The following FGGY variants were observed in gnomAD, a reference collection of about 807,000 sequenced individuals.
The protein encoded by FGGY is FGGY carbohydrate kinase domain containing.
In FGGY, 72 loss-of-function variants were observed where a neutral mutation model predicts 71.3. The observed-to-expected ratio is 1.01, with a 90% CI of 0.84 to 1.23. FGGY has a LOEUF of 1.23. Among genes scored for constraint, FGGY ranks in the 50% most tolerant of loss-of-function variants. The pLI, the probability that FGGY is intolerant of heterozygous loss-of-function variation, is 0.00. For missense variants in FGGY, 668 were observed against 682.3 expected (o/e 0.98, Z 0.23); for synonymous variants, 251 against 250.3 (o/e 1.00, Z -0.02).
At chr1:59,439,839 C>T (rs982259241) in intron 5 of FGGY, among the ~76,000 whole-genome samples, 20 of 152,082 alleles carry the variant, frequency 1.3e-4, no homozygotes, top group Non-Finnish European at 2.4e-4. Context: ...TCTCAACTTA[C>T]GGTTTTTTGC....
chr1:59,670,059 A>C (rs919740884), intron 13 of FGGY, among the ~76,000 whole-genome samples: 1 of 152,246 alleles, frequency 6.6e-6, no homozygotes, highest in Non-Finnish European at 1.5e-5. Flanking sequence ...TGGACCAGTT[A>C]CAGTTCCAGA....
At chr1:59,345,475 C>T (rs2051646845) in intron 3 of FGGY, among the ~76,000 whole-genome samples, 1 of 152,118 alleles carries the variant, frequency 6.6e-6, no homozygotes, top group African/African-American at 2.4e-5. Flanking sequence ...ATATGAGGGG[C>T]AGTGCTCCTT....
At chr1:59,399,349 A>G (rs1022437423) in intron 5 of FGGY, among the ~76,000 whole-genome samples, 1 of 152,172 alleles carries the variant, frequency 6.6e-6, no homozygotes, top group Non-Finnish European at 1.5e-5. Context: ...GTCAGGCATT[A>G]TATTAGGCCC....
chr1:59,469,287 A>G (rs1273557935), intron 6 of FGGY, among the ~76,000 whole-genome samples: 2 of 152,242 alleles, frequency 1.3e-5, no homozygotes, highest in South Asian at 2.1e-4. Flanking sequence ...AATTCAGCTC[A>G]TGGTTCTGGA....
intron 7 of FGGY, among the ~76,000 whole-genome samples, chr1:59,540,748 A>G (rs1385845738): frequency 6.6e-6 from 1 of 152,234 alleles, no homozygotes; most frequent in Non-Finnish European, 1.5e-5. Flanking sequence ...AGACATGAGT[A>G]TGAAATAACC....
intron 5 of FGGY, among the ~76,000 whole-genome samples, chr1:59,444,709 G>A (rs542974202): frequency 4.6e-5 from 7 of 152,208 alleles, no homozygotes; most frequent in African/African-American, 1.4e-4. Context: ...TGTGAACTGC[G>A]CATGCAAGGG....
intron 14 of FGGY, among the ~76,000 whole-genome samples, chr1:59,703,661 T>C (rs1445654784): frequency 6.6e-6 from 1 of 152,210 alleles, no homozygotes; most frequent in Non-Finnish European, 1.5e-5. Flanking sequence ...AAGGCTAGTC[T>C]TGTGAGCCCA....
chr1:59,334,863 A>G (rs981609521), intron 2 of FGGY, among the ~76,000 whole-genome samples: 3 of 152,238 alleles, frequency 2.0e-5, no homozygotes, highest in South Asian at 2.1e-4. Context: ...CAAAAATAAA[A>G]AATAGAATTA....
intron 14 of FGGY, among the ~76,000 whole-genome samples, chr1:59,726,629 T>A (rs1157458272): frequency 2.0e-5 from 3 of 151,484 alleles, no homozygotes; most frequent in Admixed American, 1.3e-4. Context: ...ATTCAGATGA[T>A]TTATTTCTTG....
Position 59,618,813 on chromosome 1 carries a change from G to A in FGGY, c.1012-7175G>A, listed in dbSNP as rs570856363. Among the ~76,000 whole-genome samples, 33 of 152,014 alleles carry A rather than the reference G, an allele frequency of 2.2e-4. 1 individual carries two copies. The South Asian group carries it at 4.4e-3, about 20-fold the overall frequency. Reference sequence around the variant, plus strand: ...AAATTAACACCCTCAGTCTCTCAGGGGCATGGGAGACAATAGCCAAAGGTC... The same window carrying A: ...AAATTAACACCCTCAGTCTCTCAGGAGCATGGGAGACAATAGCCAAAGGTC... On this transcript the variant is annotated intron_variant, in intron 9 of 15. Transcript: ENST00000303721.
intron 14 of FGGY, among the ~76,000 whole-genome samples, chr1:59,726,942 A>G (rs2097954763): frequency 6.6e-6 from 1 of 152,140 alleles, no homozygotes; most frequent in Admixed American, 6.5e-5. Context: ...GGTTTGTTAC[A>G]TAGGTATATT....
At chr1:59,472,758 C>G (rs538811166) in intron 6 of FGGY, among the ~76,000 whole-genome samples, 341 of 150,468 alleles carry the variant, frequency 2.3e-3, no homozygotes, top group Non-Finnish European at 3.6e-3. Flanking sequence ...CTGTATCTAG[C>G]TAATCTGGTG....
At chr1:59,453,518 TC>T (rs1421044551) in intron 5 of FGGY, among the ~76,000 whole-genome samples, 1 of 152,298 alleles carries the variant, frequency 6.6e-6, no homozygotes, top group African/African-American at 2.4e-5. Flanking sequence ...AGGTGATCCT[TC>T]TGGTCTCAGT....
rs140848878 is a variant in FGGY at position 59,470,683 on chromosome 1, T to A, written c.670+13607T>A. ...AGGTTTCCACCAACAACATGCATTATGTCCAGTGCTGGAAGCCTGAATCCA... is the reference window on the plus strand; with the variant it reads ...AGGTTTCCACCAACAACATGCATTAAGTCCAGTGCTGGAAGCCTGAATCCA... On this transcript the variant is annotated intron_variant, in intron 6 of 15. Coordinates refer to ENST00000303721, the MANE Select transcript of FGGY (RefSeq NM_018291.5). Among the ~76,000 whole-genome samples, 219 of 152,358 alleles carry A rather than the reference T, an allele frequency of 1.4e-3. 1 individual carries two copies. Among genetic ancestry groups the A allele is most frequent in the African/African-American group, 5.1e-3 (212 of 41,594 alleles).
intron 2 of FGGY, among the ~76,000 whole-genome samples, chr1:59,339,755 G>A (rs536377568): frequency 4.5e-4 from 69 of 152,216 alleles, no homozygotes; most frequent in Non-Finnish European, 8.4e-4. Context: ...GAGCTGCCAT[G>A]CCTGGCCTTA....
chr1:59,519,738 T>G (rs578180026), intron 7 of FGGY, among the ~76,000 whole-genome samples: 74 of 152,368 alleles, frequency 4.9e-4, no homozygotes, highest in African/African-American at 1.7e-3. Flanking sequence ...AGACTTTATA[T>G]CTTGCTCCTC....
intron 14 of FGGY, among the ~76,000 whole-genome samples, chr1:59,729,299 G>A (rs2097993994): frequency 6.6e-6 from 1 of 151,778 alleles, no homozygotes; most frequent in South Asian, 2.1e-4. Flanking sequence ...TTTTCTATTA[G>A]AACACTTATT....
At chr1:59,535,262 A>C (rs965551534) in intron 7 of FGGY, among the ~76,000 whole-genome samples, 17 of 152,234 alleles carry the variant, frequency 1.1e-4, no homozygotes, top group African/African-American at 3.9e-4. Flanking sequence ...TAAAGGGATC[A>C]ATTCAACAAG....
intron 2 of FGGY, among the ~76,000 whole-genome samples, chr1:59,332,383 T>C (rs561082541): frequency 1.3e-5 from 2 of 152,248 alleles, no homozygotes; most frequent in East Asian, 1.9e-4. Context: ...TTAATAAGAA[T>C]ATAAAAAAGA....
Sources: allele counts gnomAD v4.1 joint callset (sites outside exome capture counted in the v4.1 genomes callset), GRCh38; gene constraint gnomAD v4.1.1; transcripts MANE v1.5; gene names NCBI Gene and HGNC (gene_info 2026-07-23, HGNC 2026-07-21).